The following AR variants were observed in gnomAD, a reference collection of about 807,000 sequenced individuals.
AR encodes androgen receptor.
In AR, 8 loss-of-function variants were observed where a neutral mutation model predicts 53.9. That is an observed-to-expected ratio of 0.15 (90% CI 0.09 to 0.27). AR has a LOEUF of 0.27. Ranked by LOEUF, AR falls within the 10% of genes least tolerant of loss-of-function variation. The probability of loss-of-function intolerance (pLI) is 1.00; values close to 1 mark genes in which losing one functional copy is unlikely to be tolerated. For synonymous variants in AR, 359 were observed against 316.4 expected, an observed-to-expected ratio of 1.13 and a Z score of -1.43; for missense variants, 639 against 742.5, an observed-to-expected ratio of 0.86 and a Z score of 1.62.
intron 4 of AR, among the ~76,000 whole-genome samples, chrX:67,716,560 A>G (rs747525644): frequency 8.9e-6 from 1 of 111,846 alleles, no homozygotes; most frequent in South Asian, 3.8e-4. Context: ...TTCATGTATA[A>G]TGATGGCAGT....
chrX:67,661,347 G>A (rs1926905127), intron 2 of AR, among the ~76,000 whole-genome samples: 1 of 110,849 alleles, frequency 9.0e-6, no homozygotes, highest in South Asian at 3.8e-4. Context: ...ATTGGCTGTG[G>A]GTTTGTCATA....
chrX:67,582,429 G>A (rs767009966), intron 1 of AR, among the ~76,000 whole-genome samples: 18 of 111,694 alleles, frequency 1.6e-4, no homozygotes, highest in Non-Finnish European at 3.0e-4. Context: ...GAAAGATTAG[G>A]TGATATTTTC....
intron 2 of AR, among the ~76,000 whole-genome samples, chrX:67,671,183 C>A (rs1374612277): frequency 8.9e-6 from 1 of 112,155 alleles, no homozygotes; most frequent in African/African-American, 3.2e-5. Flanking sequence ...GCCACACTGT[C>A]TTCCACAATG....
In AR at chrX:67,709,964, G is replaced by T. The variant is rs1602271339; in HGVS notation, c.1886-1438G>T. On this transcript the variant is annotated intron_variant, in intron 3 of 7. Coordinates refer to ENST00000374690, the MANE Select transcript of AR (RefSeq NM_000044.6). ...ATGCTTGAATTCTTAACCACTGTGT[G>T]TCTAGTATTTTCTCATTTCCAGTGA... Among the ~76,000 whole-genome samples, 3 of 111,848 alleles carry T rather than the reference G, an allele frequency of 2.7e-5. No individual in the cohort carries two copies. The Admixed American group carries it at 2.8e-4, about 11-fold the overall frequency.
chrX:67,711,840 A>G (rs2076095304), intron 4 of AR, 151 bp downstream of exon 4: 1 of 603,698 alleles, frequency 1.7e-6, no homozygotes, highest in African/African-American at 2.3e-5. Context: ...TACAAGTCTC[A>G]ATTTAAACAT....
At chrX:67,689,086 G>GT (rs941449669) in intron 3 of AR, among the ~76,000 whole-genome samples, 1 of 111,256 alleles carries the variant, frequency 9.0e-6, no homozygotes, top group Non-Finnish European at 1.9e-5. Context: ...CTGATGCTTG[G>GT]TTTTCCCATC....
At chrX:67,669,878 C>G (rs901210952) in intron 2 of AR, among the ~76,000 whole-genome samples, 1 of 108,787 alleles carries the variant, frequency 9.2e-6, no homozygotes, top group African/African-American at 3.3e-5. Flanking sequence ...TTTTTGGTTT[C>G]CATTTGCATG....
intron 3 of AR, among the ~76,000 whole-genome samples, chrX:67,705,534 G>A (rs2076062774): frequency 9.0e-6 from 1 of 111,592 alleles, no homozygotes; most frequent in Admixed American, 9.5e-5. Context: ...ATCAGCTTAA[G>A]GAGATTTTGG....
Position 67,544,047 on chromosome X carries a change from C to G in AR, c.-1100C>G, listed in dbSNP as rs1205600939. On this transcript the variant is annotated 5_prime_UTR_variant, in exon 1 of 8. Coordinates refer to ENST00000374690, the MANE Select transcript of AR (RefSeq NM_000044.6). The stretch of plus-strand genomic sequence containing the variant: ...GCGCCCCCTCCGAGATCCCGGGGAG[C>G]CAGCTTGCTGGGAGAGCGGGACGGT... The G allele has an allele frequency of 5.9e-6, 1 of 169,203 alleles. No individual in the cohort carries two copies. The highest frequency in any genetic ancestry group is 3.0e-5 in the African/African-American group (1 of 33,496). The allele number at this position is 169,203 out of a possible 1,213,427, so 13.9% of individuals were successfully genotyped here.
In AR at chrX:67,730,100, G is replaced by GAATT. The variant is rs1412077255; in HGVS notation, c.*6263_*6266dup. ...ACATGACATTCTTGTGCTGTCCTTG[G>GAATT]AATTAATCTGGCAGCAGGAGGGAGC... is the stretch of plus-strand genomic sequence containing the variant. On this transcript the variant is annotated 3_prime_UTR_variant, in exon 8 of 8. Transcript: ENST00000374690. 5.8e-6 allele frequency: 1 copy of GAATT among 173,487 alleles called. No homozygotes were observed. The highest frequency in any genetic ancestry group is 1.1e-5 in the Non-Finnish European group (1 of 91,247). The allele number at this position is 173,487 out of a possible 1,213,427, so 14.3% of individuals were successfully genotyped here.
intron 1 of AR, among the ~76,000 whole-genome samples, chrX:67,552,848 A>G (rs1235653254): frequency 8.9e-6 from 1 of 112,065 alleles, no homozygotes; most frequent in Non-Finnish European, 1.9e-5. Flanking sequence ...TTTTTGAGAA[A>G]TATCTATTTG....
At chrX:67,557,453 A>G (rs1921106724) in intron 1 of AR, among the ~76,000 whole-genome samples, 3 of 112,220 alleles carry the variant, frequency 2.7e-5, no homozygotes, top group African/African-American at 9.7e-5. Flanking sequence ...TTTGACTTAT[A>G]AAGTTTGAAT....
chrX:67,630,348 A>T lies in AR; in HGVS notation c.1617-12908A>T, dbSNP rs1184575314. ...TGTATTGGGTGCATATATATTTAGG[A>T]TACTTAGCTCTTCTTGTTGAATTGA... On this transcript the variant is annotated intron_variant, in intron 1 of 7. Coordinates refer to ENST00000374690, the MANE Select transcript of AR (RefSeq NM_000044.6). Among the ~76,000 whole-genome samples the T allele has an allele frequency of 3.6e-5, 4 of 111,568 alleles. No individual in the cohort carries two copies. In the East Asian group the frequency reaches 1.1e-3, roughly 32 times the overall value.
At chrX:67,692,445 G>A (rs906562710) in intron 3 of AR, among the ~76,000 whole-genome samples, 2 of 112,409 alleles carry the variant, frequency 1.8e-5, no homozygotes, top group Non-Finnish European at 3.8e-5. Context: ...TGTGCAACTT[G>A]TGACTCAGCA....
At chrX:67,695,456 C>T (rs896844034) in intron 3 of AR, 2 of 752,188 alleles carry the variant, frequency 2.7e-6, no homozygotes, top group African/African-American at 2.3e-5. Context: ...TGTAGCCACA[C>T]TCCTTGATTG....
At chrX:67,694,759 T>C (rs2076011931) in intron 3 of AR, 2 of 1,150,733 alleles carry the variant, frequency 1.7e-6, no homozygotes, top group Non-Finnish European at 1.1e-6. Context: ...ATGAGGGCTC[T>C]AGAGGGCTCT....
chrX:67,652,046 C>T (rs1036307187), intron 2 of AR, among the ~76,000 whole-genome samples: 9 of 111,731 alleles, frequency 8.1e-5, no homozygotes, highest in Admixed American at 1.9e-4. Context: ...TGGTTTGAGC[C>T]TTCTCAGCAG....
At chrX:67,621,897 A>G (rs1182014010) in intron 1 of AR, among the ~76,000 whole-genome samples, 1 of 111,945 alleles carries the variant, frequency 8.9e-6, no homozygotes, top group Non-Finnish European at 1.9e-5. Flanking sequence ...AGACAATGCT[A>G]TAGAGTATGG....
rs919284191 is a variant in AR at position 67,727,269 on chromosome X, G to A, written c.*3428G>A. 2 of 167,551 alleles carry A rather than the reference G, an allele frequency of 1.2e-5. No individual in the cohort carries two copies. Among genetic ancestry groups the A allele is most frequent in the East Asian group, 8.7e-5 (1 of 11,488 alleles). 13.8% of individuals were successfully genotyped at this position (167,551 alleles called of 1,213,427 possible). ...TTTTGAAGGACTGTCATATATCTTT[G>A]AAAAAAGAAAATCTGTAATACATAT... On this transcript the variant is annotated 3_prime_UTR_variant, in exon 8 of 8. Coordinates refer to ENST00000374690, the MANE Select transcript of AR (RefSeq NM_000044.6).
Sources: allele counts gnomAD v4.1 joint callset (sites outside exome capture counted in the v4.1 genomes callset), GRCh38; gene constraint gnomAD v4.1.1; transcripts MANE v1.5; gene names NCBI Gene and HGNC (gene_info 2026-07-23, HGNC 2026-07-21).